Variants in GRK4 observed in about 807,000 individuals in gnomAD.
The protein encoded by GRK4 is G protein-coupled receptor kinase 2-like.
GRK4 carries 73 observed loss-of-function variants against 77.9 expected under a neutral mutation model. The ratio of observed to expected loss-of-function variants is 0.94; its 90% CI spans 0.78 to 1.14. GRK4 has a LOEUF of 1.14. Among genes scored for constraint, GRK4 ranks in the 50% most tolerant of loss-of-function variants. The pLI is 0.00. For missense variants in GRK4, 729 were observed against 700.2 expected, an observed-to-expected ratio of 1.04 and a Z score of -0.46; for synonymous variants, 257 against 254.4, an observed-to-expected ratio of 1.01 and a Z score of -0.10.
chr4:2,981,234 C>T (rs1199683856), intron 1 of GRK4, among the ~76,000 whole-genome samples: 2 of 152,240 alleles, frequency 1.3e-5, no homozygotes, highest in Non-Finnish European at 2.9e-5. Context: ...TCTCATCACC[C>T]ACAACGTGGT....
At chr4:2,992,147 G>A (rs1726386949) in intron 3 of GRK4, 68 bp from the exon 4 acceptor site, 3 of 1,106,752 alleles carry the variant, frequency 2.7e-6, no homozygotes, top group South Asian at 2.5e-5. Flanking sequence ...CCAAGTGGCT[G>A]GAACTACAGG....
intron 1 of GRK4, among the ~76,000 whole-genome samples, chr4:2,969,525 C>T (rs1022973505): frequency 6.6e-6 from 1 of 151,942 alleles, no homozygotes; most frequent in African/African-American, 2.4e-5. Context: ...TACAGGCATG[C>T]ACTACCACGC....
At chr4:2,988,959 C>A in intron 3 of GRK4, 120 bp downstream of exon 3, 1 of 642,284 alleles carries the variant, frequency 1.6e-6, no homozygotes, top group Non-Finnish European at 2.9e-6. Flanking sequence ...CTGAGGCGGG[C>A]GGATCATGAG....
rs561656456 is a variant in GRK4 at position 2,985,264 on chromosome 4, G to A, written c.148+656G>A. Among the ~76,000 whole-genome samples, 154 of 152,038 alleles carry A rather than the reference G, an allele frequency of 1.0e-3. 1 individual carries two copies. The highest frequency in any genetic ancestry group is 3.5e-3 in the Admixed American group (53 of 15,250). On this transcript the variant is annotated intron_variant, in intron 2 of 15. Coordinates refer to ENST00000398052, the MANE Select transcript of GRK4 (RefSeq NM_182982.3). ...AAATACAAAAAAATTAGCTGGGTGC[G>A]GTGACGGGTGTGTGTAATCCCAGCT...
At chr4:2,999,302 A>C (rs1004557623) in intron 4 of GRK4, among the ~76,000 whole-genome samples, 1 of 152,132 alleles carries the variant, frequency 6.6e-6, no homozygotes, top group Non-Finnish European at 1.5e-5. Context: ...AACCTGCCGC[A>C]ATGCCGCAAC....
intron 8 of GRK4, among the ~76,000 whole-genome samples, chr4:3,016,116 G>C (rs1380319583): frequency 6.7e-6 from 1 of 150,238 alleles, no homozygotes; most frequent in African/African-American, 2.4e-5. Context: ...CACTTTGTTG[G>C]CCAGGCTGGT....
rs184209453 is a variant in GRK4 at position 3,022,725 on chromosome 4, C to T, written c.970+274C>T. 7.9e-5 allele frequency among the ~76,000 whole-genome samples: 12 copies of T among 152,062 alleles called. No homozygotes were observed. The East Asian group carries it at 9.7e-4, about 12-fold the overall frequency. ...TTTTTAAGTCAGGGTCTTGCTGTGT[C>T]GCCCAGGCTGGAGTGCAGTGGTGTA... On this transcript the variant is annotated intron_variant, in intron 10 of 15. Transcript: ENST00000398052.
chr4:3,020,738 G>T (rs1055133405), intron 9 of GRK4, among the ~76,000 whole-genome samples: 8 of 151,788 alleles, frequency 5.3e-5, no homozygotes, highest in Non-Finnish European at 1.2e-4. Flanking sequence ...CCATGTTGTA[G>T]ATTCAAAGAG....
intron 2 of GRK4, among the ~76,000 whole-genome samples, chr4:2,985,561 A>G (rs780811324): frequency 3.1e-4 from 47 of 152,124 alleles, no homozygotes; most frequent in East Asian, 2.1e-3. Context: ...TAATGAGGGA[A>G]AGAAAGAAAA....
chr4:2,968,361 C>A (rs1466751035), intron 1 of GRK4, among the ~76,000 whole-genome samples: 1 of 152,158 alleles, frequency 6.6e-6, no homozygotes, highest in Non-Finnish European at 1.5e-5. Flanking sequence ...TTAACACCTG[C>A]AGCATGGTTA....
rs1735518534 is a variant in GRK4 at position 3,019,635 on chromosome 4, C to G, written c.742-6C>G. On this transcript the variant is annotated splice_polypyrimidine_tract_variant and splice_region_variant and intron_variant, in intron 8 of 15. Coordinates refer to ENST00000398052, the MANE Select transcript of GRK4 (RefSeq NM_182982.3). ...TGTTCTGTTTTTATGATGTTGCTGT[C>G]TTTAGGTTAGTTTAGCCTACGCTTA... 2 of 1,603,652 alleles carry G rather than the reference C, an allele frequency of 1.2e-6. No individual in the cohort carries two copies. The highest frequency in any genetic ancestry group is 1.7e-6 in the Non-Finnish European group (2 of 1,173,884).
chr4:2,966,822 T>C (rs1041532113), intron 1 of GRK4: 1 of 152,206 alleles, frequency 6.6e-6, no homozygotes, highest in Admixed American at 6.5e-5. Flanking sequence ...AGCGCAATGT[T>C]GATTTAATAT....
At chr4:2,986,974 C>G in intron 2 of GRK4, 1 of 330,788 alleles carries the variant, frequency 3.0e-6, no homozygotes, top group East Asian at 7.9e-5. Context: ...AATTCATATG[C>G]CATACAACTT....
intron 7 of GRK4, 143 bp from the exon 8 acceptor site, chr4:3,013,545 C>G: frequency 1.1e-6 from 1 of 915,920 alleles, no homozygotes; most frequent in Admixed American, 2.3e-5. Context: ...ACTGACGAAG[C>G]TCACCTTTGA....
At chr4:3,019,972 G>A in intron 9 of GRK4, 141 bp downstream of exon 9, 1 of 771,470 alleles carries the variant, frequency 1.3e-6, no homozygotes. Context: ...TCTTAGGGTT[G>A]GTCACTTACA....
chr4:3,009,293 G>A (rs1030234805), intron 6 of GRK4, among the ~76,000 whole-genome samples: 2 of 151,618 alleles, frequency 1.3e-5, no homozygotes, highest in African/African-American at 4.8e-5. Context: ...ATAGTGGCAG[G>A]CGCCTGTAAT....
chr4:2,997,759 T>C (rs1273916599), intron 4 of GRK4, among the ~76,000 whole-genome samples: 1 of 151,480 alleles, frequency 6.6e-6, no homozygotes, highest in Non-Finnish European at 1.5e-5. Context: ...AATACAAATA[T>C]TAGCCGGCCA....
chr4:3,015,729 G>A (rs879789800), intron 8 of GRK4, among the ~76,000 whole-genome samples: 6 of 151,468 alleles, frequency 4.0e-5, no homozygotes, highest in Admixed American at 2.0e-4. Flanking sequence ...ACTCTCATGT[G>A]CAATTACTTG....
Position 2,984,517 on chromosome 4 carries a change from A to T in GRK4, c.57A>T (p.Gly19=). The T allele has an allele frequency of 1.2e-6, 2 of 1,607,232 alleles. No individual in the cohort carries two copies. The highest frequency in any genetic ancestry group is 1.7e-6 in the Non-Finnish European group (2 of 1,174,352). Residue 19 remains glycine (G), a synonymous_variant, in exon 2 of 16, where the codon GGA becomes GGT. Coordinates refer to ENST00000398052, the MANE Select transcript of GRK4 (RefSeq NM_182982.3). The stretch of plus-strand genomic sequence containing the variant: ...CCTTTTTTCTCCCAAATTCAGGAGG[A>T]TATGGCAAAAAAAGTGGTCGTAGTA... ...NSLLLKARQG[G]YGKKSGRSKK...
Sources: gnomAD v4.1 joint callset for allele counts (sites outside exome capture counted in the v4.1 genomes callset) on GRCh38, gnomAD v4.1.1 for gene constraint, MANE v1.5 for transcripts, NCBI Gene and HGNC (gene_info 2026-07-23, HGNC 2026-07-21) for gene names.